The following NSUN6 variants were observed in gnomAD, a reference collection of about 807,000 sequenced individuals.
The protein encoded by NSUN6 is tRNA (cytosine(72)-C(5))-methyltransferase NSUN6.
In NSUN6, 64 loss-of-function variants were observed where a neutral mutation model predicts 58.0. That is an observed-to-expected ratio of 1.10 (90% CI 0.90 to 1.36). The LOEUF is 1.36. NSUN6 is among the 40% of genes most tolerant of loss of function. The probability of loss-of-function intolerance (pLI) is 0.00; values close to 1 mark genes in which losing one functional copy is unlikely to be tolerated. For missense variants in NSUN6, 701 were observed against 550.1 expected, an observed-to-expected ratio of 1.27 and a Z score of -2.74; for synonymous variants, 231 against 193.9, an observed-to-expected ratio of 1.19 and a Z score of -1.59.
chr10:18,652,452 C>G, upstream of NSUN6: 1 of 984,660 alleles, frequency 1.0e-6, no homozygotes. Flanking sequence ...CACAGACACA[C>G]ACACATAGAA....
At chr10:18,564,903 TA>T (rs2055810700) in intron 8 of NSUN6, among the ~76,000 whole-genome samples, 4 of 150,460 alleles carry the variant, frequency 2.7e-5, no homozygotes, top group South Asian at 2.1e-4. Flanking sequence ...CATTGCATTC[TA>T]TTCTTCATTC....
chr10:18,635,943 A>G (rs1344962287), intron 3 of NSUN6, among the ~76,000 whole-genome samples: 1 of 151,124 alleles, frequency 6.6e-6, no homozygotes, highest in Non-Finnish European at 1.5e-5. Context: ...TCAATAAGTA[A>G]GAATTCCACA....
intron 7 of NSUN6, among the ~76,000 whole-genome samples, chr10:18,587,318 G>C (rs2057196097): frequency 1.3e-5 from 2 of 152,122 alleles, no homozygotes; most frequent in Admixed American, 1.3e-4. Flanking sequence ...ATATTTCCCA[G>C]CTAGCCACAT....
intron 2 of NSUN6, among the ~76,000 whole-genome samples, chr10:18,645,695 T>C (rs1026255688): frequency 3.3e-5 from 5 of 152,220 alleles, no homozygotes; most frequent in African/African-American, 1.2e-4. Flanking sequence ...ACATTCATGC[T>C]GGAGAATTTA....
intron 9 of NSUN6, 80 bp from the exon 10 acceptor site, chr10:18,548,317 T>G: frequency 8.1e-7 from 1 of 1,228,448 alleles, no homozygotes; most frequent in Non-Finnish European, 1.1e-6. Context: ...AAAGGTATAA[T>G]GTCTTTCAAA....
chr10:18,645,444 A>G (rs757045466), intron 2 of NSUN6, among the ~76,000 whole-genome samples: 5 of 152,218 alleles, frequency 3.3e-5, no homozygotes, highest in Non-Finnish European at 5.9e-5. Flanking sequence ...CATTATATAC[A>G]TGCAAATATT....
At chr10:18,571,540 T>A (rs7079325) in intron 8 of NSUN6, among the ~76,000 whole-genome samples, 1 of 150,958 alleles carries the variant, frequency 6.6e-6, no homozygotes, top group African/African-American at 2.4e-5. Flanking sequence ...CCATTCTCCA[T>A]TGCATTCTAT....
intron 3 of NSUN6, among the ~76,000 whole-genome samples, chr10:18,636,009 CT>C (rs2059202663): frequency 6.6e-6 from 1 of 151,030 alleles, no homozygotes; most frequent in Non-Finnish European, 1.5e-5. Flanking sequence ...TTTGGTGGGC[CT>C]TAGATTTCTT....
chr10:18,563,634 T>C (rs1456077145), intron 8 of NSUN6, among the ~76,000 whole-genome samples: 1 of 150,372 alleles, frequency 6.7e-6, no homozygotes, highest in African/African-American at 2.4e-5. Context: ...TCCATTCCAT[T>C]GCATTCTCCA....
At chr10:18,612,434 G>A (rs1303866564) in intron 5 of NSUN6, among the ~76,000 whole-genome samples, 5 of 152,104 alleles carry the variant, frequency 3.3e-5, no homozygotes, top group Non-Finnish European at 7.4e-5. Flanking sequence ...AAAAAGCAAA[G>A]TCAGTCCTTT....
chr10:18,568,386 T>C (rs980442005), intron 8 of NSUN6, among the ~76,000 whole-genome samples: 3 of 124,014 alleles, frequency 2.4e-5, no homozygotes, highest in Non-Finnish European at 3.3e-5. Flanking sequence ...TCCCTTCCTT[T>C]CTCCATTCCA....
At chr10:18,597,388 A>T (rs1168793056) in intron 6 of NSUN6, among the ~76,000 whole-genome samples, 1 of 152,164 alleles carries the variant, frequency 6.6e-6, no homozygotes, top group Non-Finnish European at 1.5e-5. Context: ...CAAATTTGGG[A>T]TCCTCACAAT....
At chr10:18,659,057 C>T (rs758533148), upstream of NSUN6, 1 of 152,558 alleles carries the variant, frequency 6.6e-6, no homozygotes, top group Non-Finnish European at 1.5e-5. Flanking sequence ...AACCTATGGT[C>T]TTTCCTGGTT....
intron 6 of NSUN6, among the ~76,000 whole-genome samples, chr10:18,600,317 C>T (rs1033591942): frequency 6.6e-6 from 1 of 152,094 alleles, no homozygotes; most frequent in African/African-American, 2.4e-5. Flanking sequence ...ACAATAATTT[C>T]AGTAATCACA....
chr10:18,626,189 G>C (rs2058796036), intron 3 of NSUN6, among the ~76,000 whole-genome samples: 1 of 151,568 alleles, frequency 6.6e-6, no homozygotes, highest in Admixed American at 6.6e-5. Flanking sequence ...GCATCCATGT[G>C]AATTATACTT....
At position 18,553,130 on chromosome 10, in the gene NSUN6, T is replaced by C. The variant is rs541224719; in HGVS notation, c.923-1159A>G. Among the ~76,000 whole-genome samples the C allele has an allele frequency of 3.4e-3, 521 of 151,406 alleles. 3 individuals are homozygous for C. Among genetic ancestry groups the C allele is most frequent in the Non-Finnish European group, 4.9e-3 (333 of 67,784 alleles). On this transcript the variant is annotated intron_variant, in intron 8 of 10. Transcript: ENST00000377304. ...CATTCCATTCCGTTCGATTCTCCATTCCATTCCATTCTCCCTTCCCTTCCA... is the reference window on the plus strand; with the variant it reads ...CATTCCATTCCGTTCGATTCTCCATCCCATTCCATTCTCCCTTCCCTTCCA...
chr10:18,564,297 C>T (rs1457664384), intron 8 of NSUN6, among the ~76,000 whole-genome samples: 1 of 151,408 alleles, frequency 6.6e-6, no homozygotes, highest in African/African-American at 2.4e-5. Flanking sequence ...ATTCCATTCT[C>T]CATTCCATTC....
chr10:18,652,566 GCT>G (rs1219815608), upstream of NSUN6: 1 of 965,600 alleles, frequency 1.0e-6, no homozygotes, highest in Non-Finnish European at 1.2e-6. Context: ...CATTTTCTCT[GCT>G]CTTTTTTTTT....
chr10:18,652,925 A>G, upstream of NSUN6: 1 of 985,072 alleles, frequency 1.0e-6, no homozygotes, highest in Non-Finnish European at 1.2e-6. Flanking sequence ...TGTTCTCACA[A>G]ATAAAAAGCC....
Sources: gnomAD v4.1 joint callset for allele counts (sites outside exome capture counted in the v4.1 genomes callset) on GRCh38, gnomAD v4.1.1 for gene constraint, MANE v1.5 for transcripts, NCBI Gene and HGNC (gene_info 2026-07-23, HGNC 2026-07-21) for gene names.